The following CNOT2 variants were observed in gnomAD, a reference collection of about 807,000 sequenced individuals.
CNOT2 encodes CC chemokine receptor 4-negative regulator of transcription 2.
Under a neutral mutation model 72.1 loss-of-function variants are expected in CNOT2, and 7 were observed. The ratio of observed to expected loss-of-function variants is 0.10; its 90% confidence interval spans 0.06 to 0.18. CNOT2 has a LOEUF of 0.18. Among genes scored for constraint, CNOT2 ranks in the 10% least tolerant of loss-of-function variants. The pLI, the probability that CNOT2 is intolerant of heterozygous loss-of-function variation, is 1.00. For missense variants in CNOT2, 345 were observed against 660.3 expected (o/e 0.52, Z 5.23); for synonymous variants, 196 against 225.6 (o/e 0.87, Z 1.17).
chr12:70,283,038 A>T (rs1172470810), intron 2 of CNOT2, among the ~76,000 whole-genome samples: 1 of 152,214 alleles, frequency 6.6e-6, no homozygotes, highest in Non-Finnish European at 1.5e-5. Flanking sequence ...TCCATTTAGT[A>T]TGTACTGTAT....
chr12:70,338,372 G>A (rs1038379616), intron 9 of CNOT2, 71 bp from the exon 10 acceptor site: 1 of 1,238,396 alleles, frequency 8.1e-7, no homozygotes, highest in Non-Finnish European at 1.1e-6. Flanking sequence ...AAATAGCAAG[G>A]TATTAATATG....
At chr12:70,251,030 A>G (rs932490142) in intron 1 of CNOT2, among the ~76,000 whole-genome samples, 5 of 152,198 alleles carry the variant, frequency 3.3e-5, no homozygotes, top group African/African-American at 1.2e-4. Context: ...TGTCTGGAGT[A>G]CTGGAAAATG....
chr12:70,263,736 T>A (rs1046505092), intron 1 of CNOT2, among the ~76,000 whole-genome samples: 1 of 152,222 alleles, frequency 6.6e-6, no homozygotes, highest in Non-Finnish European at 1.5e-5. Context: ...TATGAATTAC[T>A]TCTATTTATT....
chr12:70,260,683 C>G (rs2135734778), intron 1 of CNOT2, among the ~76,000 whole-genome samples: 1 of 152,138 alleles, frequency 6.6e-6, no homozygotes, highest in Admixed American at 6.5e-5. Flanking sequence ...TGGCTATTTT[C>G]TCTCTTCAGG....
intron 1 of CNOT2, among the ~76,000 whole-genome samples, chr12:70,258,094 A>G (rs1958547943): frequency 6.6e-6 from 1 of 152,106 alleles, no homozygotes; most frequent in Non-Finnish European, 1.5e-5. Context: ...TTCTATTTTC[A>G]CGTTTTCTGT....
In CNOT2 at chr12:70,249,524, C is replaced by T. The variant is rs141947161; in HGVS notation, c.-96+6044C>T. 8.6e-3 allele frequency among the ~76,000 whole-genome samples: 1,304 copies of T among 151,960 alleles called. 7 individuals are homozygous for T. Among genetic ancestry groups the T allele is most frequent in the Middle Eastern group, 0.034 (10 of 294 alleles). On this transcript the variant is annotated intron_variant, in intron 1 of 15. Coordinates refer to ENST00000229195, the MANE Select transcript of CNOT2 (RefSeq NM_014515.7). The stretch of plus-strand genomic sequence containing the variant: ...TGGACTCAGAGTCTAATTTCTTTCT[C>T]ATTTATTTTAGCGCTACTTTATAGA...
chr12:70,327,724 C>T (rs558818480), intron 4 of CNOT2: 73 of 151,770 alleles, frequency 4.8e-4, no homozygotes, highest in Admixed American at 3.1e-3. Context: ...GGGTAGGGGC[C>T]TTTTCTGTTG....
At chr12:70,299,069 G>A (rs2135902618) in intron 2 of CNOT2, among the ~76,000 whole-genome samples, 1 of 152,114 alleles carries the variant, frequency 6.6e-6, no homozygotes, top group Non-Finnish European at 1.5e-5. Flanking sequence ...AGGGAAAGAG[G>A]TTTAATTGAC....
At chr12:70,339,099 C>T (rs1467715661) in intron 11 of CNOT2, among the ~76,000 whole-genome samples, 2 of 150,220 alleles carry the variant, frequency 1.3e-5, no homozygotes, top group Admixed American at 1.3e-4. Flanking sequence ...TATACACACA[C>T]ACACACACAC....
At chr12:70,283,930 A>ATTTTTTTT (rs776119049) in intron 2 of CNOT2, among the ~76,000 whole-genome samples, 6 of 117,428 alleles carry the variant, frequency 5.1e-5, no homozygotes, top group East Asian at 2.7e-4. Context: ...CATGATGTAA[A>ATTTTTTTT]TTTTTTTTTT....
rs143440527 is a variant in CNOT2, at chr12:70,340,123, C to T, written c.1178+1301C>T. ...CCATTTCTCCGACTTGGTCTTCTCC[C>T]ATTCTCTGGTAAGCCCATTTCAGTC... On this transcript the variant is annotated intron_variant, in intron 11 of 15. Coordinates refer to ENST00000229195, the MANE Select transcript of CNOT2 (RefSeq NM_014515.7). Among the ~76,000 whole-genome samples, 480 of 152,266 alleles carry T rather than the reference C, an allele frequency of 3.2e-3. 5 individuals are homozygous for T. The highest frequency in any genetic ancestry group is 4.0e-3 in the Non-Finnish European group (274 of 68,012).
At chr12:70,276,867 A>G (rs1868908821) in intron 1 of CNOT2, among the ~76,000 whole-genome samples, 1 of 151,902 alleles carries the variant, frequency 6.6e-6, no homozygotes. Context: ...AACTCCCACT[A>G]CCTTTGTGAT....
intron 4 of CNOT2, among the ~76,000 whole-genome samples, chr12:70,320,521 A>T (rs796822944): frequency 1.6e-4 from 24 of 151,870 alleles, no homozygotes; most frequent in African/African-American, 5.5e-4. Flanking sequence ...TTAAACCAAG[A>T]AACGTATTTC....
rs540581665 is a variant in CNOT2 at position 70,342,423 on chromosome 12, C to T, written c.1290+116C>T. The T allele has an allele frequency of 7.7e-6, 9 of 1,165,868 alleles. No homozygotes were observed. The South Asian group carries it at 1.3e-4, about 17-fold the overall frequency. 72.2% of individuals were successfully genotyped at this position (1,165,868 alleles called of 1,614,324 possible). On this transcript the variant is annotated intron_variant, in intron 13 of 15. Coordinates refer to ENST00000229195, the MANE Select transcript of CNOT2 (RefSeq NM_014515.7). ...AATTAGTAATGGTCTCAGGGATATG[C>T]TTTCATATGTCCATGTTAACTTGTT...
intron 1 of CNOT2, among the ~76,000 whole-genome samples, chr12:70,265,273 T>TTCTTCTCTTCTCTTG (rs1958972457): frequency 8.0e-6 from 1 of 125,382 alleles, no homozygotes; most frequent in African/African-American, 2.8e-5. Flanking sequence ...TTCGTTTTGT[T>TTCTTCTCTTCTCTTG]TCTTCTCTTC....
chr12:70,256,926 C>G (rs1264103953), intron 1 of CNOT2, among the ~76,000 whole-genome samples: 3 of 152,124 alleles, frequency 2.0e-5, no homozygotes, highest in African/African-American at 7.2e-5. Flanking sequence ...ATTGAAAAAA[C>G]AAAACTGACA....
Position 70,354,088 on chromosome 12 carries a change from A to C in CNOT2, c.*173A>C. 1 of 1,171,844 alleles carries C rather than the reference A, an allele frequency of 8.5e-7. No individual in the cohort carries two copies. The highest frequency in any genetic ancestry group is 1.1e-6 in the Non-Finnish European group (1 of 891,082). The allele number at this position is 1,171,844 out of a possible 1,614,324, so 72.6% of individuals were successfully genotyped here. A position where few individuals can be genotyped will look rare whatever the true frequency, so the allele number is the denominator to read the frequency against. Reference sequence around the variant, plus strand: ...CACCATTTGAGGTCCTGCCTTACTAATTATGTGCTGCCCAACAACTAAATT... The same window carrying C: ...CACCATTTGAGGTCCTGCCTTACTACTTATGTGCTGCCCAACAACTAAATT... On this transcript the variant is annotated 3_prime_UTR_variant, in exon 16 of 16. Coordinates refer to ENST00000229195, the MANE Select transcript of CNOT2 (RefSeq NM_014515.7).
chr12:70,279,944 G>A (rs780995053), intron 2 of CNOT2, among the ~76,000 whole-genome samples: 14 of 152,012 alleles, frequency 9.2e-5, no homozygotes, highest in Non-Finnish European at 1.9e-4. Flanking sequence ...ATGCATTTTT[G>A]GTTATGGGTT....
chr12:70,344,280 G>T (rs748282853), intron 14 of CNOT2, 52 bp downstream of exon 14: 19 of 1,103,778 alleles, frequency 1.7e-5, no homozygotes, highest in Non-Finnish European at 2.5e-5. Context: ...TCTTGACTAT[G>T]CTGAAAACAT....
Sources: gnomAD v4.1 joint callset for allele counts (sites outside exome capture counted in the v4.1 genomes callset) on GRCh38, gnomAD v4.1.1 for gene constraint, MANE v1.5 for transcripts, NCBI Gene and HGNC (gene_info 2026-07-23, HGNC 2026-07-21) for gene names.